The following SLC4A10 variants were observed in gnomAD, a reference collection of about 807,000 sequenced individuals.
The protein encoded by SLC4A10 is sodium-driven chloride bicarbonate exchanger.
SLC4A10 carries 42 observed loss-of-function variants against 137.7 expected under a neutral mutation model. That is an observed-to-expected ratio of 0.30 (90% CI 0.24 to 0.39). SLC4A10 has a LOEUF of 0.39. Among genes scored for constraint, SLC4A10 ranks in the 10% least tolerant of loss-of-function variants. The probability of loss-of-function intolerance (pLI) is 1.00; values close to 1 mark genes in which losing one functional copy is unlikely to be tolerated. For synonymous variants in SLC4A10, 474 were observed against 464.1 expected (o/e 1.02, Z -0.27); for missense variants, 925 against 1,355.0 (o/e 0.68, Z 4.98).
chr2:161,949,780 G>C (rs548114890), intron 18 of SLC4A10, among the ~76,000 whole-genome samples: 69 of 151,872 alleles, frequency 4.5e-4, no homozygotes, highest in African/African-American at 1.4e-3. Flanking sequence ...TGGGGCCCAA[G>C]TCTAAATACA....
chr2:161,935,078 G>A (rs1428086757), intron 15 of SLC4A10, among the ~76,000 whole-genome samples: 2 of 152,176 alleles, frequency 1.3e-5, no homozygotes, highest in Non-Finnish European at 2.9e-5. Flanking sequence ...TGTGAGATAA[G>A]GGTCTGATTT....
At chr2:161,743,910 C>A (rs1395822909) in intron 1 of SLC4A10, among the ~76,000 whole-genome samples, 2 of 151,946 alleles carry the variant, frequency 1.3e-5, no homozygotes, top group Non-Finnish European at 2.9e-5. Context: ...AATGGGATTA[C>A]TTTCTTGATT....
chr2:161,709,782 C>T (rs895644213), intron 1 of SLC4A10: 2 of 151,452 alleles, frequency 1.3e-5, no homozygotes, highest in African/African-American at 4.8e-5. Context: ...GAATTATATA[C>T]TTGGATAAGA....
At chr2:161,741,832 T>C (rs928114025) in intron 1 of SLC4A10, among the ~76,000 whole-genome samples, 2 of 152,226 alleles carry the variant, frequency 1.3e-5, no homozygotes, top group Non-Finnish European at 2.9e-5. Flanking sequence ...ACATTCCAAT[T>C]GTACTCTCTC....
At chr2:161,983,110 G>A (rs1480626144) in intron 26 of SLC4A10, 69 bp from the exon 27 acceptor site, 3 of 1,424,770 alleles carry the variant, frequency 2.1e-6, no homozygotes, top group Non-Finnish European at 2.9e-6. Flanking sequence ...TTTTATGTCT[G>A]AGCAAGCAGA....
At chr2:161,918,406 T>C (rs990714777) in intron 15 of SLC4A10, among the ~76,000 whole-genome samples, 1 of 152,108 alleles carries the variant, frequency 6.6e-6, no homozygotes, top group Admixed American at 6.5e-5. Flanking sequence ...TTCACCTACC[T>C]TGGCCTCCCC....
At chr2:161,975,023 A>G (rs1232089988) in intron 24 of SLC4A10, among the ~76,000 whole-genome samples, 2 of 152,184 alleles carry the variant, frequency 1.3e-5, no homozygotes, top group East Asian at 1.9e-4. Flanking sequence ...GGTTATGCCA[A>G]TAAAAATACA....
At chr2:161,658,176 C>G (rs527356127) in intron 1 of SLC4A10, among the ~76,000 whole-genome samples, 2 of 152,222 alleles carry the variant, frequency 1.3e-5, no homozygotes, top group South Asian at 4.1e-4. Context: ...CTGCAAAGCT[C>G]TATTTTATGA....
intron 1 of SLC4A10, among the ~76,000 whole-genome samples, chr2:161,652,789 CT>C (rs10716126): frequency 0.79 from 113,594 of 143,170 alleles, 44,817 homozygotes; most frequent in East Asian, 0.84. Context: ...ACCGTTTATT[CT>C]TTTTTTTTTT....
chr2:161,845,266 C>T (rs1457084002), intron 4 of SLC4A10, among the ~76,000 whole-genome samples: 2 of 152,102 alleles, frequency 1.3e-5, no homozygotes, highest in Non-Finnish European at 2.9e-5. Flanking sequence ...TTAATAGTCT[C>T]TTTAACAATA....
chr2:161,839,805 G>A lies in SLC4A10; in HGVS notation c.294G>A (p.Arg98=). 5.0e-6 allele frequency: 8 copies of A among 1,613,622 alleles called. No individual in the cohort carries two copies. The highest frequency in any genetic ancestry group is 6.8e-6 in the Non-Finnish European group (8 of 1,179,770). The part of the protein sequence containing the change: ...ESPSFDTPSQ[R]VQFILGTEDD... ...ATTTTTTAGACACCCCATCACAGAGGGTACAGTTTATTCTTGGAACCGAGG... is the reference window on the plus strand; with the variant it reads ...ATTTTTTAGACACCCCATCACAGAGAGTACAGTTTATTCTTGGAACCGAGG... The change falls in exon 4 of 27, where the codon AGG becomes AGA. Residue 98 remains arginine (R), a synonymous_variant. Transcript: ENST00000446997.
At chr2:161,772,550 G>T (rs2051768160) in intron 2 of SLC4A10, among the ~76,000 whole-genome samples, 1 of 151,802 alleles carries the variant, frequency 6.6e-6, no homozygotes, top group Non-Finnish European at 1.5e-5. Context: ...TACAGACAAT[G>T]GTGTGCAATG....
At chr2:161,773,826 C>T (rs1294677336) in intron 2 of SLC4A10, among the ~76,000 whole-genome samples, 4 of 151,666 alleles carry the variant, frequency 2.6e-5, no homozygotes. Context: ...ATATCTTGTA[C>T]AATTTTATGT....
intron 3 of SLC4A10, among the ~76,000 whole-genome samples, chr2:161,833,413 C>T (rs1227928): frequency 2.7e-3 from 405 of 152,336 alleles, no homozygotes; most frequent in African/African-American, 8.8e-3. Flanking sequence ...TAGTATTGCA[C>T]TCTTACAGCC....
chr2:161,710,731 T>C (rs866009280), intron 1 of SLC4A10: 2 of 455,404 alleles, frequency 4.4e-6, no homozygotes, highest in Middle Eastern at 6.5e-4. Flanking sequence ...CATTTCATTA[T>C]ACATCATAAA....
chr2:161,877,931 G>A (rs887092592), intron 8 of SLC4A10, among the ~76,000 whole-genome samples: 4 of 151,730 alleles, frequency 2.6e-5, no homozygotes, highest in African/African-American at 9.7e-5. Flanking sequence ...TATATATTTT[G>A]TGGTATCCTT....
At chr2:161,722,532 C>T (rs756527767) in intron 1 of SLC4A10, among the ~76,000 whole-genome samples, 1 of 152,202 alleles carries the variant, frequency 6.6e-6, no homozygotes, top group Non-Finnish European at 1.5e-5. Context: ...CCAGTGGAGG[C>T]TGCAGAACAG....
At chr2:161,781,278 AG>A (rs1412333220) in intron 2 of SLC4A10, among the ~76,000 whole-genome samples, 1 of 152,064 alleles carries the variant, frequency 6.6e-6, no homozygotes, top group Non-Finnish European at 1.5e-5. Flanking sequence ...GTATCAGATA[AG>A]CAGGAGGAAG....
chr2:161,891,177 T>C (rs918768051), intron 10 of SLC4A10, among the ~76,000 whole-genome samples: 4 of 152,328 alleles, frequency 2.6e-5, no homozygotes, highest in Non-Finnish European at 5.9e-5. Flanking sequence ...GTTAGTCTGA[T>C]GGGGTTCCCT....
Sources: gnomAD v4.1 joint callset for allele counts (sites outside exome capture counted in the v4.1 genomes callset) on GRCh38, gnomAD v4.1.1 for gene constraint, MANE v1.5 for transcripts, NCBI Gene and HGNC (gene_info 2026-07-23, HGNC 2026-07-21) for gene names.